Variants in PEX5L observed in about 807,000 individuals in gnomAD.
PEX5L encodes the protein peroxisomal biogenesis factor 5 like, also known as PEX5-related protein.
In PEX5L, 30 loss-of-function variants were observed where a neutral mutation model predicts 84.0. The observed-to-expected ratio is 0.36, with a 90% confidence interval of 0.27 to 0.48. The LOEUF (loss-of-function observed/expected upper bound fraction) is 0.48, where lower values mean the gene tolerates loss of function less well. Among genes scored for constraint, PEX5L ranks in the 20% least tolerant of loss-of-function variants. The pLI is 0.99. For synonymous variants in PEX5L, 270 were observed against 283.1 expected (o/e 0.95, Z 0.46); for missense variants, 533 against 754.6 (o/e 0.71, Z 3.44).
chr3:179,948,996 C>T (rs1171710823), intron 2 of PEX5L, among the ~76,000 whole-genome samples: 1 of 152,146 alleles, frequency 6.6e-6, no homozygotes, highest in Non-Finnish European at 1.5e-5. Context: ...GTGAGCAGAT[C>T]CCATGACTAG....
intron 8 of PEX5L, among the ~76,000 whole-genome samples, chr3:179,850,897 TAGG>T (rs1741586184): frequency 6.6e-6 from 1 of 152,230 alleles, no homozygotes. Flanking sequence ...ATTTTCTTGC[TAGG>T]AGGACACCCA....
intron 5 of PEX5L, among the ~76,000 whole-genome samples, chr3:179,877,658 A>G (rs140962937): frequency 6.6e-5 from 10 of 151,700 alleles, no homozygotes; most frequent in Admixed American, 5.3e-4. Context: ...GGATCTCACT[A>G]TGTTGTCCAA....
intron 1 of PEX5L, among the ~76,000 whole-genome samples, chr3:179,990,055 A>G (rs572768757): frequency 1.1e-4 from 16 of 152,332 alleles, no homozygotes; most frequent in Admixed American, 9.2e-4. Context: ...CTTAGTTGAT[A>G]AAAGTCAGTA....
intron 1 of PEX5L, among the ~76,000 whole-genome samples, chr3:179,982,211 TG>T (rs1255229286): frequency 1.3e-5 from 2 of 152,206 alleles, no homozygotes; most frequent in Non-Finnish European, 2.9e-5. Context: ...TCTCACTCAA[TG>T]TTATCCGCTT....
chr3:179,943,013 T>C (rs1370132167), intron 2 of PEX5L, among the ~76,000 whole-genome samples: 1 of 152,214 alleles, frequency 6.6e-6, no homozygotes, highest in African/African-American at 2.4e-5. Context: ...ATAGTAACAA[T>C]ACTAACATCC....
At chr3:179,877,272 T>C (rs1271263995) in intron 5 of PEX5L, among the ~76,000 whole-genome samples, 1 of 152,236 alleles carries the variant, frequency 6.6e-6, no homozygotes, top group Non-Finnish European at 1.5e-5. Flanking sequence ...TACCACATTG[T>C]GTTTATCCAT....
intron 2 of PEX5L, among the ~76,000 whole-genome samples, chr3:179,925,069 C>T (rs1771022715): frequency 6.6e-6 from 1 of 152,184 alleles, no homozygotes; most frequent in Non-Finnish European, 1.5e-5. Flanking sequence ...GAGTTCACAT[C>T]AGAAACTCAT....
chr3:179,917,662 TTTTTTGAGACGGAGTTTTGC>T (rs1482030537), intron 2 of PEX5L, among the ~76,000 whole-genome samples: 1 of 152,212 alleles, frequency 6.6e-6, no homozygotes, highest in Non-Finnish European at 1.5e-5. Context: ...AACGTCTTTT[TTTTTTGAGACGGAGTTTTGC>T]TTTTTGAGAC....
intron 1 of PEX5L, chr3:179,973,694 T>C: frequency 1.0e-6 from 1 of 985,364 alleles, no homozygotes; most frequent in Non-Finnish European, 1.2e-6. Flanking sequence ...AACTGCAACT[T>C]CTACAAATAC....
intron 1 of PEX5L, among the ~76,000 whole-genome samples, chr3:179,975,449 T>C (rs986071946): frequency 3.3e-5 from 5 of 152,192 alleles, no homozygotes; most frequent in Non-Finnish European, 7.4e-5. Context: ...AAAGAACATT[T>C]TGAAAGGGAA....
chr3:179,909,517 G>A (rs1478409745), intron 2 of PEX5L, among the ~76,000 whole-genome samples: 2 of 152,146 alleles, frequency 1.3e-5, no homozygotes, highest in Non-Finnish European at 2.9e-5. Context: ...AGATCAAGGA[G>A]CAGAAGCAAG....
At chr3:179,970,783 TTCTC>T (rs2110234304) in intron 2 of PEX5L, among the ~76,000 whole-genome samples, 1 of 152,298 alleles carries the variant, frequency 6.6e-6, no homozygotes, top group Non-Finnish European at 1.5e-5. Flanking sequence ...ACTGACTGCT[TTCTC>T]TCTAATCTCT....
At chr3:179,908,839 G>A (rs867409698) in intron 2 of PEX5L, among the ~76,000 whole-genome samples, 25 of 152,250 alleles carry the variant, frequency 1.6e-4, no homozygotes, top group Middle Eastern at 3.4e-3. Flanking sequence ...TGGTGTATAT[G>A]TGCCACATTT....
rs569154394 is a variant in PEX5L at position 179,876,731 on chromosome 3, C to T, written c.506-1254G>A. Among the ~76,000 whole-genome samples, 52 of 152,198 alleles carry T rather than the reference C, an allele frequency of 3.4e-4. 1 individual carries two copies. In the South Asian group the frequency reaches 0.01, roughly 30 times the overall value. On this transcript the variant is annotated intron_variant, in intron 5 of 14. Transcript: ENST00000467460. ...ACTCATTAAACACGAACTCCTCATTCCCCCTCCCCCACAAACCCTGGTAAC... is the reference window on the plus strand; with the variant it reads ...ACTCATTAAACACGAACTCCTCATTTCCCCTCCCCCACAAACCCTGGTAAC...
rs546851899 is a variant in PEX5L at position 179,986,549 on chromosome 3, C to T, written c.22-14884G>A. ...TCCCGAGTAGCTGGGACTACAGGCG[C>T]CCGCCACCACGCCCGGCTAATTTTT... On this transcript the variant is annotated intron_variant, in intron 1 of 14. Transcript: ENST00000467460. 1.9e-3 allele frequency among the ~76,000 whole-genome samples: 290 copies of T among 151,986 alleles called. 1 individual carries two copies. The highest frequency in any genetic ancestry group is 6.5e-3 in the African/African-American group (270 of 41,472).
At chr3:179,847,805 G>C (rs1336642580) in intron 8 of PEX5L, among the ~76,000 whole-genome samples, 1 of 152,024 alleles carries the variant, frequency 6.6e-6, no homozygotes, top group Non-Finnish European at 1.5e-5. Context: ...GGGCTCAAGT[G>C]ATTCTCCCAC....
intron 1 of PEX5L, among the ~76,000 whole-genome samples, chr3:179,981,848 A>G (rs371654069): frequency 6.6e-6 from 1 of 152,194 alleles, no homozygotes; most frequent in Non-Finnish European, 1.5e-5. Flanking sequence ...ATACAATGTG[A>G]AATTGTTCAG....
chr3:179,867,523 CT>C (rs1202714028), intron 7 of PEX5L, among the ~76,000 whole-genome samples: 1 of 152,112 alleles, frequency 6.6e-6, no homozygotes, highest in Non-Finnish European at 1.5e-5. Context: ...TAATCACTCA[CT>C]GTGTGTGGCC....
intron 10 of PEX5L, among the ~76,000 whole-genome samples, chr3:179,813,912 A>G (rs796493521): frequency 1.6e-4 from 23 of 148,106 alleles, no homozygotes; most frequent in African/African-American, 5.2e-4. Flanking sequence ...TCCTGACCTC[A>G]TGATCCACCC....
Sources: allele counts gnomAD v4.1 joint callset (sites outside exome capture counted in the v4.1 genomes callset), GRCh38; gene constraint gnomAD v4.1.1; transcripts MANE v1.5; gene names NCBI Gene and HGNC (gene_info 2026-07-23, HGNC 2026-07-21).